The following TASOR2 variants were observed in gnomAD, a reference collection of about 807,000 sequenced individuals.
TASOR2 encodes protein TASOR 2.
A neutral mutation model predicts 199.5 loss-of-function variants in TASOR2; 84 were observed. The observed-to-expected ratio is 0.42, with a 90% confidence interval of 0.35 to 0.50. TASOR2 has a LOEUF of 0.50. Ranked by LOEUF, TASOR2 falls within the 20% of genes least tolerant of loss-of-function variation. The pLI is 0.02. For missense variants in TASOR2, 2,796 were observed against 2,835.9 expected (o/e 0.99, Z 0.32); for synonymous variants, 1,103 against 1,046.6 (o/e 1.05, Z -1.04).
Position 5,742,319 on chromosome 10 carries a change from C to T in TASOR2, c.2550C>T (p.Asp850=), listed in dbSNP as rs774636614. ...TTGGTTTGGAAAAATGTTCTGCAGA[C>T]TCTCTGTTGGAGACTAACGAAATTT... is the stretch of plus-strand genomic sequence containing the variant. The change falls in exon 14 of 21, where the codon GAC becomes GAT. Residue 850 remains aspartate, a synonymous_variant. Coordinates refer to ENST00000328090, the Ensembl canonical transcript of TASOR2. This position sits in a 1 kb window ranked among gnomAD's most constrained non-coding sequence, Gnocchi z 4.2. 6.2e-7 allele frequency: 1 copy of T among 1,614,170 alleles called. No homozygotes were observed. Among genetic ancestry groups the T allele is most frequent in the Admixed American group, 1.7e-5 (1 of 60,026 alleles).
intron 2 of TASOR2, among the ~76,000 whole-genome samples, chr10:5,715,232 TTA>T (rs770259955): frequency 1.7e-4 from 15 of 87,872 alleles, no homozygotes; most frequent in South Asian, 7.1e-4. Flanking sequence ...TTTTTTTTTT[TTA>T]AAAAAAAACT....
chr10:5,749,750 T>G, exon 15 of TASOR2: 1 of 1,614,198 alleles, frequency 6.2e-7, no homozygotes, highest in Non-Finnish European at 8.5e-7. Context: ...GATATTTCAC[T>G]TATTCTCAAT....
intron 2 of TASOR2, among the ~76,000 whole-genome samples, chr10:5,715,186 A>G (rs1459986630): frequency 6.6e-6 from 1 of 151,752 alleles, no homozygotes. Flanking sequence ...GAACTGAGAA[A>G]GATTATCGGG....
At chr10:5,703,902 G>A (rs1236865340) in intron 1 of TASOR2, among the ~76,000 whole-genome samples, 1 of 151,718 alleles carries the variant, frequency 6.6e-6, no homozygotes, top group African/African-American at 2.4e-5. Flanking sequence ...TTCATTCAAG[G>A]TTGTGCTAGA....
rs1243461433 is a variant in TASOR2 at position 5,752,955 on chromosome 10, TTTTTTCCTC to T, written c.6606+2929_6606+2937del. 6.6e-6 allele frequency among the ~76,000 whole-genome samples: 1 copy of T among 152,130 alleles called. No homozygotes were observed. The highest frequency in any genetic ancestry group is 1.9e-4 in the East Asian group (1 of 5,192). ...GAGCCACTGGAAAGGTTCTGTTAGG[TTTTTTCCTC>T]CTAACCACTAGACCGCCAGAGATGA... On this transcript the variant is annotated intron_variant, in intron 15 of 20. Transcript: ENST00000328090. The surrounding 1 kb of genome is among the most constrained non-coding windows in gnomAD (Gnocchi z 4.4).
intron 6 of TASOR2, among the ~76,000 whole-genome samples, chr10:5,721,426 T>G (rs1833344060): frequency 1.3e-5 from 2 of 152,332 alleles, no homozygotes; most frequent in Non-Finnish European, 1.5e-5. Context: ...GAAGAACATC[T>G]TAGGAAATCT....
At chr10:5,760,339 C>G (rs914961104) in intron 18 of TASOR2, among the ~76,000 whole-genome samples, 5 of 152,116 alleles carry the variant, frequency 3.3e-5, no homozygotes, top group African/African-American at 1.2e-4. Context: ...CTGCTGTTGG[C>G]GCTGCAGTAT....
chr10:5,709,704 TC>T (rs910555396), intron 1 of TASOR2: 26 of 1,218,112 alleles, frequency 2.1e-5, no homozygotes, highest in Non-Finnish European at 2.7e-5. Flanking sequence ...AACTAATGAA[TC>T]CAGAATAGAA....
At position 5,689,623 on chromosome 10, in the gene TASOR2, T is replaced by A. The variant is rs1339532558; in HGVS notation, c.-288+4448T>A. On this transcript the variant is annotated intron_variant, in intron 1 of 20. Transcript: ENST00000328090. This position sits in a 1 kb window ranked among gnomAD's most constrained non-coding sequence, Gnocchi z 4.1. ...TCAAAAAAACAAAAAAACAAGCATG[T>A]ATGTATCTTGCTTGGGATTGTCTTC... is the stretch of plus-strand genomic sequence containing the variant. Among the ~76,000 whole-genome samples the A allele has an allele frequency of 6.6e-6, 1 of 152,148 alleles. No homozygotes were observed.
rs758882872 is a variant in TASOR2 at position 5,762,517 on chromosome 10, T to TTTC, written c.7175-13_7175-12insCTT. 2.5e-5 allele frequency: 15 copies of TTTC among 606,844 alleles called. 3 individuals carry two copies. Among genetic ancestry groups the TTTC allele is most frequent in the Admixed American group, 4.0e-5 (1 of 24,984 alleles). 37.6% of individuals were successfully genotyped at this position (606,844 alleles called of 1,614,324 possible). ...ATTATATTAACCAAAAGTTGTTTTT[T>TTTC]TTTTTTTTTAACAGACAAGCCTACT... On this transcript the variant is annotated splice_polypyrimidine_tract_variant and intron_variant, in intron 19 of 20. Coordinates refer to ENST00000328090, the Ensembl canonical transcript of TASOR2.
intron 2 of TASOR2, among the ~76,000 whole-genome samples, chr10:5,716,511 T>C (rs1832663876): frequency 6.6e-6 from 1 of 152,192 alleles, no homozygotes; most frequent in Non-Finnish European, 1.5e-5. Flanking sequence ...TACAGCTTTT[T>C]TTCTTCTCTC....
intron 11 of TASOR2, among the ~76,000 whole-genome samples, chr10:5,732,724 T>A (rs1017817715): frequency 7.3e-5 from 8 of 109,944 alleles, no homozygotes; most frequent in Admixed American, 2.6e-4. Context: ...ATTTTTAAAA[T>A]TTTTTTGTAG....
At chr10:5,747,708 T>C in exon 15 of TASOR2, 5 of 1,614,186 alleles carry the variant, frequency 3.1e-6, no homozygotes, top group Non-Finnish European at 4.2e-6. Flanking sequence ...AACTTCATGG[T>C]ACACAGTGTG....
chr10:5,750,970 G>A lies in TASOR2; in HGVS notation c.6606+943G>A, dbSNP rs1588895576. On this transcript the variant is annotated intron_variant, in intron 15 of 20. Transcript: ENST00000328090. This position sits in a 1 kb window ranked among gnomAD's most constrained non-coding sequence, Gnocchi z 5.4. ...TATGACCTTAACAGTTTTGAAGACT[G>A]TAGGCCAGTTATTTGGTGGAATTTC... is the stretch of plus-strand genomic sequence containing the variant. Among the ~76,000 whole-genome samples the A allele has an allele frequency of 1.3e-5, 2 of 152,310 alleles. No individual in the cohort carries two copies. The highest frequency in any genetic ancestry group is 3.4e-3 in the Middle Eastern group (1 of 294).
At chr10:5,711,553 G>A (rs3209286) in intron 1 of TASOR2, among the ~76,000 whole-genome samples, 38,842 of 151,986 alleles carry the variant, frequency 0.26, 5,581 homozygotes, top group Non-Finnish European at 0.33. Flanking sequence ...CAGTTAAAAT[G>A]GTTAGATGCA....
chr10:5,749,055 G>C (rs1424983994), exon 15 of TASOR2: 1 of 1,613,996 alleles, frequency 6.2e-7, no homozygotes, highest in East Asian at 2.2e-5. Flanking sequence ...ACAACCAAGA[G>C]GACTGGGGCT....
chr10:5,730,416 C>A lies in TASOR2; in HGVS notation c.488-71C>A. 1.6e-6 allele frequency: 2 copies of A among 1,237,728 alleles called. No individual in the cohort carries two copies. The highest frequency in any genetic ancestry group is 2.2e-6 in the Non-Finnish European group (2 of 901,188). 76.7% of individuals were successfully genotyped at this position (1,237,728 alleles called of 1,614,324 possible). On this transcript the variant is annotated intron_variant, in intron 10 of 20. Coordinates refer to ENST00000328090, the Ensembl canonical transcript of TASOR2. This position sits in a 1 kb window ranked among gnomAD's most constrained non-coding sequence, Gnocchi z 4.1. ...CATCACATAATTTTGAAATCTAAAG[C>A]TTTTTTTTCCAGAATGTTTTGTTTT... is the stretch of plus-strand genomic sequence containing the variant.
Position 5,752,215 on chromosome 10 carries a change from T to C in TASOR2, c.6606+2188T>C, listed in dbSNP as rs1389934500. Among the ~76,000 whole-genome samples, 2 of 152,194 alleles carry C rather than the reference T, an allele frequency of 1.3e-5. No individual in the cohort carries two copies. Among genetic ancestry groups the C allele is most frequent in the Non-Finnish European group, 2.9e-5 (2 of 68,042 alleles). Reference sequence around the variant, plus strand: ...TGTTGCTTTTTTGTCATGATTCTTATAGTCTAATGGGACAAGGAAAACACT... The same window carrying C: ...TGTTGCTTTTTTGTCATGATTCTTACAGTCTAATGGGACAAGGAAAACACT... On this transcript the variant is annotated intron_variant, in intron 15 of 20. Transcript: ENST00000328090. The surrounding 1 kb of genome is among the most constrained non-coding windows in gnomAD (Gnocchi z 4.4).
chr10:5,729,123 CG>C (rs1834452842), intron 10 of TASOR2, among the ~76,000 whole-genome samples: 1 of 149,656 alleles, frequency 6.7e-6, no homozygotes, highest in Non-Finnish European at 1.5e-5. Flanking sequence ...CCAAGGCGGG[CG>C]GATCACTTGA....
Sources: gnomAD v4.1 joint callset for allele counts (sites outside exome capture counted in the v4.1 genomes callset) on GRCh38, gnomAD v4.1.1 for gene constraint, Gnocchi (gnomAD v3.1) non-coding constraint, MANE v1.5 for transcripts, NCBI Gene and HGNC (gene_info 2026-07-23, HGNC 2026-07-21) for gene names.